NETO2: variants seen among roughly 807,000 people sequenced by gnomAD.
NETO2 encodes neuropilin and tolloid like 2, also known as neuropilin and tolloid-like protein 2.
In NETO2, 28 loss-of-function variants were observed where a neutral mutation model predicts 62.5. That is an observed-to-expected ratio of 0.45 (90% confidence interval 0.33 to 0.61). NETO2 has a LOEUF of 0.61. Among genes scored for constraint, NETO2 ranks in the 20% least tolerant of loss-of-function variants. The probability of loss-of-function intolerance (pLI) is 0.02; values close to 1 mark genes in which losing one functional copy is unlikely to be tolerated. For synonymous variants in NETO2, 214 were observed against 219.1 expected (o/e 0.98, Z 0.21); for missense variants, 548 against 643.2 (o/e 0.85, Z 1.60).
At chr16:47,090,298 C>G (rs1963285826) in intron 7 of NETO2, among the ~76,000 whole-genome samples, 1 of 152,142 alleles carries the variant, frequency 6.6e-6, no homozygotes, top group East Asian at 1.9e-4. Context: ...GCTTTTGTTT[C>G]ATAGAAATGT....
chr16:47,120,189 ATTTGT>A (rs778976701), intron 6 of NETO2, among the ~76,000 whole-genome samples: 15 of 152,222 alleles, frequency 9.9e-5, no homozygotes, highest in African/African-American at 2.9e-4. Flanking sequence ...GACATTCTTG[ATTTGT>A]TTTAATAGTT....
chr16:47,143,749 G>A lies in NETO2; in HGVS notation c.-137C>T, dbSNP rs1419378693. The A allele has an allele frequency of 8.9e-7, 1 of 1,119,816 alleles. No homozygotes were observed. Among genetic ancestry groups the A allele is most frequent in the Non-Finnish European group, 1.1e-6 (1 of 893,700 alleles). The allele number at this position is 1,119,816 out of a possible 1,614,324, so 69.4% of individuals were successfully genotyped here. On this transcript the variant is annotated 5_prime_UTR_variant, in exon 1 of 9. Coordinates refer to ENST00000562435, the MANE Select transcript of NETO2 (RefSeq NM_018092.5). The stretch of plus-strand genomic sequence containing the variant: ...GCAGCTGCCTCCCCGCTCCCCTGAG[G>A]AGAGCTCAGGTCCTGCGGCCCGCCA...
chr16:47,083,460 C>T lies in NETO2; in HGVS notation c.1339G>A (p.Val447Ile), dbSNP rs551394619. 1.6e-5 allele frequency: 26 copies of T among 1,614,186 alleles called. No individual in the cohort carries two copies. The highest frequency in any genetic ancestry group is 2.2e-5 in the East Asian group (1 of 44,876). ...CTGAGGTTGGTCCTGCTTTGTTTGA[C>T]GCTGGAGGCCTGCGACCCACAGTGG... ...DHHCGSQASS[V>I]KQSRTNLSSM... is the part of the protein sequence containing the mutation. The change falls in exon 9 of 9, where the codon GTC becomes ATC. Residue 447 changes from valine to isoleucine, a missense_variant. By Grantham distance (29) the Val-to-Ile change is conservative (BLOSUM62 3). Coordinates refer to ENST00000562435, the MANE Select transcript of NETO2 (RefSeq NM_018092.5).
intron 6 of NETO2, among the ~76,000 whole-genome samples, chr16:47,116,831 G>A (rs577727914): frequency 3.3e-5 from 5 of 152,312 alleles, no homozygotes; most frequent in Non-Finnish European, 7.4e-5. Flanking sequence ...ACTGGGACAT[G>A]TTTGGGCAGC....
At position 47,083,586 on chromosome 16, in the gene NETO2, C is replaced by T; in HGVS notation, c.1213G>A (p.Asp405Asn). Residue 405 changes from aspartate (D) to asparagine (N), a missense_variant, in exon 9 of 9, where the codon GAC (aspartate) becomes AAC (asparagine). By Grantham distance (23) the Asp-to-Asn change is conservative. Coordinates refer to ENST00000562435, the MANE Select transcript of NETO2 (RefSeq NM_018092.5). ...PPHYELFSLR[D>N]KEISADLADL... ...GCCAGGTCTGCAGAAATCTCTTTGT[C>T]CCTTAGTGAAAACAGTTCATAATGA... 1 of 1,614,150 alleles carries T rather than the reference C, an allele frequency of 6.2e-7. No individual in the cohort carries two copies. Among genetic ancestry groups the T allele is most frequent in the Non-Finnish European group, 8.5e-7 (1 of 1,180,040 alleles).
intron 7 of NETO2, among the ~76,000 whole-genome samples, chr16:47,104,686 C>A (rs138821927): frequency 2.0e-5 from 3 of 152,272 alleles, no homozygotes; most frequent in Admixed American, 6.5e-5. Context: ...GACATATAGA[C>A]CAATGGAATT....
At chr16:47,104,277 G>GTATAA (rs1195714441) in intron 7 of NETO2, among the ~76,000 whole-genome samples, 1 of 152,162 alleles carries the variant, frequency 6.6e-6, no homozygotes, top group Non-Finnish European at 1.5e-5. Context: ...AATAATTCCA[G>GTATAA]TATAATAGCA....
At chr16:47,133,584 CATAACATAAAATGACATAACATAAA>C (rs1964310522) in intron 1 of NETO2, among the ~76,000 whole-genome samples, 2 of 145,208 alleles carry the variant, frequency 1.4e-5, no homozygotes, top group Non-Finnish European at 1.5e-5. Flanking sequence ...CATAAAATAA[CATAACATAAAATGACATAACATAAA>C]ATAAAATAAA....
chr16:47,143,518 G>C, intron 1 of NETO2, 61 bp downstream of exon 1: 1 of 1,216,964 alleles, frequency 8.2e-7, no homozygotes, highest in Admixed American at 4.3e-5. Context: ...GCGCGGGCAG[G>C]GCGGCGCGCC....
chr16:47,115,698 TATATATATATATATAC>T (rs1489780155), intron 6 of NETO2, among the ~76,000 whole-genome samples: 13 of 133,798 alleles, frequency 9.7e-5, no homozygotes, highest in Admixed American at 3.6e-4. Context: ...GGCTAATTTT[TATATATATATATATAC>T]ATATATATAT....
At chr16:47,111,475 G>A (rs1056582564) in intron 6 of NETO2, among the ~76,000 whole-genome samples, 2 of 152,174 alleles carry the variant, frequency 1.3e-5, no homozygotes, top group African/African-American at 4.8e-5. Flanking sequence ...AAATTTTTGG[G>A]AAATATTCAT....
chr16:47,135,285 T>A (rs908474571), intron 1 of NETO2, among the ~76,000 whole-genome samples: 10 of 152,208 alleles, frequency 6.6e-5, no homozygotes, highest in African/African-American at 2.4e-4. Flanking sequence ...TCTGTCTTTA[T>A]TCCCAATCTA....
At chr16:47,108,291 A>T (rs2143893877) in intron 7 of NETO2, among the ~76,000 whole-genome samples, 1 of 152,340 alleles carries the variant, frequency 6.6e-6, no homozygotes, top group Middle Eastern at 3.4e-3. Context: ...GAAGCCAACA[A>T]TGGATGCTAA....
intron 6 of NETO2, among the ~76,000 whole-genome samples, chr16:47,113,583 TTC>T (rs1407599544): frequency 3.7e-4 from 56 of 150,398 alleles, no homozygotes; most frequent in South Asian, 2.1e-4. Context: ...CCACAGTTTA[TTC>T]TTTTTTTTTT....
rs556796588 is a variant in NETO2 at position 47,119,226 on chromosome 16, A to T, written c.654+3431T>A. On this transcript the variant is annotated intron_variant, in intron 6 of 8. Coordinates refer to ENST00000562435, the MANE Select transcript of NETO2 (RefSeq NM_018092.5). ...GAGTGCAGTGGCGTGATCTCAGCTC[A>T]CTGCAAGCTCCGCCTCCTGGGTTCA... is the stretch of plus-strand genomic sequence containing the variant. Among the ~76,000 whole-genome samples, 4 of 148,838 alleles carry T rather than the reference A, an allele frequency of 2.7e-5. No individual in the cohort carries two copies. In the South Asian group the frequency reaches 6.3e-4, roughly 24 times the overall value.
At chr16:47,099,151 C>T (rs1450758689) in intron 7 of NETO2, among the ~76,000 whole-genome samples, 5 of 152,126 alleles carry the variant, frequency 3.3e-5, no homozygotes, top group African/African-American at 4.8e-5. Context: ...TGAGCCACTG[C>T]GCCCAGCCTC....
chr16:47,132,839 G>A (rs774141261), intron 1 of NETO2, among the ~76,000 whole-genome samples: 2 of 152,178 alleles, frequency 1.3e-5, no homozygotes, highest in Non-Finnish European at 2.9e-5. Flanking sequence ...GAGCAAAATG[G>A]TTAAGAGTAT....
chr16:47,100,764 A>T (rs534273073), intron 7 of NETO2, among the ~76,000 whole-genome samples: 1 of 152,332 alleles, frequency 6.6e-6, no homozygotes, highest in African/African-American at 2.4e-5. Flanking sequence ...AAGAAGTTGA[A>T]TCCCTGAGTA....
At chr16:47,126,433 G>A (rs1297139416) in intron 4 of NETO2, among the ~76,000 whole-genome samples, 2 of 152,186 alleles carry the variant, frequency 1.3e-5, no homozygotes, top group African/African-American at 2.4e-5. Flanking sequence ...GCAAGACTAG[G>A]GAGATACTGA....
Sources: allele counts gnomAD v4.1 joint callset (sites outside exome capture counted in the v4.1 genomes callset), GRCh38; gene constraint gnomAD v4.1.1; transcripts MANE v1.5; gene names NCBI Gene and HGNC (gene_info 2026-07-23, HGNC 2026-07-21).